HCN1: variants seen among roughly 807,000 people sequenced by gnomAD.
HCN1 encodes the protein potassium/sodium hyperpolarization-activated cyclic nucleotide-gated channel 1.
Under a neutral mutation model 78.9 loss-of-function variants are expected in HCN1, and 13 were observed. The ratio of observed to expected loss-of-function variants is 0.16; its 90% CI spans 0.11 to 0.26. The LOEUF is 0.26. Among genes scored for constraint, HCN1 ranks in the 10% least tolerant of loss-of-function variants. HCN1 has a pLI of 1.00. For synonymous variants in HCN1, 552 were observed against 455.5 expected, an observed-to-expected ratio of 1.21 and a Z score of -2.70; for missense variants, 810 against 1,154.3, an observed-to-expected ratio of 0.70 and a Z score of 4.32.
intron 2 of HCN1, among the ~76,000 whole-genome samples, chr5:45,588,630 CTTTATCT>C (rs1744291014): frequency 6.6e-6 from 1 of 152,264 alleles, no homozygotes; most frequent in Non-Finnish European, 1.5e-5. Flanking sequence ...TTTACAAACT[CTTTATCT>C]TTTAACTACT....
At chr5:45,470,838 T>A (rs1320427196) in intron 2 of HCN1, among the ~76,000 whole-genome samples, 1 of 151,994 alleles carries the variant, frequency 6.6e-6, no homozygotes, top group Admixed American at 6.6e-5. Flanking sequence ...AACCCTTAAC[T>A]TTTCTAGAGA....
chr5:45,444,451 G>C (rs1740743545), intron 3 of HCN1, among the ~76,000 whole-genome samples: 1 of 151,976 alleles, frequency 6.6e-6, no homozygotes, highest in South Asian at 2.1e-4. Context: ...TTATTGTTTA[G>C]AATCTTTATG....
chr5:45,320,265 C>G (rs1461725637), intron 5 of HCN1, among the ~76,000 whole-genome samples: 2 of 151,820 alleles, frequency 1.3e-5, no homozygotes, highest in Non-Finnish European at 2.9e-5. Flanking sequence ...CACCTCATCT[C>G]CTAGAGAACA....
At chr5:45,375,077 T>C (rs531817136) in intron 4 of HCN1, among the ~76,000 whole-genome samples, 2 of 119,180 alleles carry the variant, frequency 1.7e-5, no homozygotes, top group South Asian at 2.2e-4. Context: ...TAATATATTA[T>C]ATATAATTAT....
At chr5:45,612,284 A>G (rs1387724697) in intron 2 of HCN1, among the ~76,000 whole-genome samples, 1 of 152,154 alleles carries the variant, frequency 6.6e-6, no homozygotes, top group Non-Finnish European at 1.5e-5. Flanking sequence ...CCAAACTTTA[A>G]TGGCAATTAT....
chr5:45,565,668 C>A (rs750640717), intron 2 of HCN1, among the ~76,000 whole-genome samples: 3 of 151,560 alleles, frequency 2.0e-5, no homozygotes, highest in Admixed American at 6.6e-5. Flanking sequence ...ACAAAAAAAT[C>A]AAAAAAATAG....
chr5:45,352,868 A>T (rs1746939467), intron 5 of HCN1, among the ~76,000 whole-genome samples: 2 of 152,076 alleles, frequency 1.3e-5, no homozygotes, highest in South Asian at 4.1e-4. Flanking sequence ...AATTTTAAAG[A>T]GCCAGAAATA....
intron 5 of HCN1, 34 bp from the exon 6 acceptor site, chr5:45,303,873 A>T (rs779145521): frequency 6.3e-7 from 1 of 1,576,532 alleles, no homozygotes. Context: ...ATATTAAGAG[A>T]GATATTAATC....
At chr5:45,455,815 T>TTATACC (rs1463801054) in intron 3 of HCN1, among the ~76,000 whole-genome samples, 1 of 149,752 alleles carries the variant, frequency 6.7e-6, no homozygotes, top group African/African-American at 2.5e-5. Flanking sequence ...TTTTCAATGC[T>TTATACC]TATACCTATA....
chr5:45,315,813 G>C (rs555118702), intron 5 of HCN1, among the ~76,000 whole-genome samples: 1 of 152,126 alleles, frequency 6.6e-6, no homozygotes, highest in Non-Finnish European at 1.5e-5. Flanking sequence ...AGAAAATGTA[G>C]AAGAAATGGA....
intron 4 of HCN1, among the ~76,000 whole-genome samples, chr5:45,386,145 C>G (rs1213809014): frequency 6.6e-6 from 1 of 151,576 alleles, no homozygotes; most frequent in East Asian, 1.9e-4. Flanking sequence ...TTGTACTTAC[C>G]ATTTTTCTGT....
In HCN1 at chr5:45,478,490, C is replaced by G. The variant is rs75866536; in HGVS notation, c.850-16483G>C. ...AACAAGGGTTTGAGCACCTGCAATACAAAATGGGATTATCAGTACATCAGC... is the reference window on the plus strand; with the variant it reads ...AACAAGGGTTTGAGCACCTGCAATAGAAAATGGGATTATCAGTACATCAGC... On this transcript the variant is annotated intron_variant, in intron 2 of 7. Transcript: ENST00000303230. Among the ~76,000 whole-genome samples the G allele has an allele frequency of 1.3e-4, 20 of 152,244 alleles. No homozygotes were observed. The East Asian group carries it at 3.9e-3, about 29-fold the overall frequency.
intron 4 of HCN1, among the ~76,000 whole-genome samples, chr5:45,368,742 C>T (rs1000696412): frequency 2.5e-4 from 38 of 152,058 alleles, no homozygotes; most frequent in Non-Finnish European, 3.4e-4. Context: ...GAGTTTCTAC[C>T]GGGAGCTGGG....
At chr5:45,469,235 T>C (rs1741338719) in intron 2 of HCN1, among the ~76,000 whole-genome samples, 1 of 151,928 alleles carries the variant, frequency 6.6e-6, no homozygotes, top group Non-Finnish European at 1.5e-5. Flanking sequence ...TTATTAATTG[T>C]ACCATGCCCA....
chr5:45,291,211 T>A (rs938637978), intron 6 of HCN1, among the ~76,000 whole-genome samples: 3 of 152,080 alleles, frequency 2.0e-5, no homozygotes, highest in Non-Finnish European at 2.9e-5. Flanking sequence ...TCCAATAACT[T>A]TTCTCTCTCA....
At chr5:45,337,592 ACTAT>A (rs1335686767) in intron 5 of HCN1, among the ~76,000 whole-genome samples, 1 of 152,160 alleles carries the variant, frequency 6.6e-6, no homozygotes, top group Non-Finnish European at 1.5e-5. Context: ...CAAAATATGT[ACTAT>A]CTGAGGGTTG....
chr5:45,497,259 T>A (rs1742058962), intron 2 of HCN1, among the ~76,000 whole-genome samples: 1 of 152,114 alleles, frequency 6.6e-6, no homozygotes, highest in Non-Finnish European at 1.5e-5. Context: ...GGTATCCTTG[T>A]TGACTTTCTG....
rs144621840 is a variant in HCN1, at chr5:45,470,703, T to G, written c.850-8696A>C. On this transcript the variant is annotated intron_variant, in intron 2 of 7. Coordinates refer to ENST00000303230, the MANE Select transcript of HCN1 (RefSeq NM_021072.4). ...TTAAAAGTAATAAGCCTTATTTGTA[T>G]AAGTTTGATTTTTCATATCACTGAA... is the stretch of plus-strand genomic sequence containing the variant. Among the ~76,000 whole-genome samples, 6 of 152,086 alleles carry G rather than the reference T, an allele frequency of 3.9e-5. No homozygotes were observed. The East Asian group carries it at 1.2e-3, about 29-fold the overall frequency.
chr5:45,274,034 C>T (rs1745007660), intron 6 of HCN1, among the ~76,000 whole-genome samples: 1 of 151,950 alleles, frequency 6.6e-6, no homozygotes, highest in South Asian at 2.1e-4. Flanking sequence ...TTTCTTAGTA[C>T]AGTACTTTAA....
Sources: allele counts gnomAD v4.1 joint callset (sites outside exome capture counted in the v4.1 genomes callset), GRCh38; gene constraint gnomAD v4.1.1; transcripts MANE v1.5; gene names NCBI Gene and HGNC (gene_info 2026-07-23, HGNC 2026-07-21).